THSD7A: variants seen among roughly 807,000 people sequenced by gnomAD.
THSD7A encodes thrombospondin type 1 domain containing 7A.
Under a neutral mutation model 231.3 loss-of-function variants are expected in THSD7A, and 96 were observed. The observed-to-expected ratio is 0.41, with a 90% confidence interval of 0.35 to 0.49. The LOEUF (loss-of-function observed/expected upper bound fraction) is 0.49. THSD7A is among the 20% of genes least tolerant of loss of function. THSD7A has a pLI of 0.05. For synonymous variants in THSD7A, 940 were observed against 743.3 expected, an observed-to-expected ratio of 1.26 and a Z score of -4.30; for missense variants, 2,290 against 2,070.2, an observed-to-expected ratio of 1.11 and a Z score of -2.06.
Position 11,546,919 on chromosome 7 carries a change from G to A in THSD7A, c.1454-3802C>T, listed in dbSNP as rs118061298. On this transcript the variant is annotated intron_variant, in intron 4 of 27. Coordinates refer to ENST00000423059, the MANE Select transcript of THSD7A (RefSeq NM_015204.3). ...TAAGAATTTCATAACACAATTGAAA[G>A]TATTAACAGCAGAATAGACCAAGCT... is the stretch of plus-strand genomic sequence containing the variant. Among the ~76,000 whole-genome samples the A allele has an allele frequency of 9.7e-3, 1,476 of 152,290 alleles. 80 individuals are homozygous for A. The highest frequency in any genetic ancestry group is 0.084 in the Admixed American group (1,278 of 15,304).
chr7:11,671,779 A>G (rs1197664977), intron 1 of THSD7A, among the ~76,000 whole-genome samples: 6 of 152,308 alleles, frequency 3.9e-5, no homozygotes, highest in Middle Eastern at 3.4e-3. Context: ...TTACAAATGG[A>G]AACATGTAAT....
chr7:11,695,080 A>G (rs1217746232), intron 1 of THSD7A, among the ~76,000 whole-genome samples: 1 of 151,548 alleles, frequency 6.6e-6, no homozygotes, highest in Non-Finnish European at 1.5e-5. Context: ...TAAAGTGAGT[A>G]AATTTCTCAT....
At chr7:11,563,445 C>T (rs190031432) in intron 4 of THSD7A, among the ~76,000 whole-genome samples, 7 of 152,056 alleles carry the variant, frequency 4.6e-5, no homozygotes, top group East Asian at 1.9e-4. Context: ...CTGCAACCTC[C>T]GCCTCTTGGG....
In THSD7A at chr7:11,550,443, G is replaced by C. The variant is rs1248679064; in HGVS notation, c.1454-7326C>G. ...CAAATTGTAATCCCACATGTCAAGGGAGGGACCTGGCAGGAGGCGAGTGGA... is the reference window on the plus strand; with the variant it reads ...CAAATTGTAATCCCACATGTCAAGGCAGGGACCTGGCAGGAGGCGAGTGGA... On this transcript the variant is annotated intron_variant, in intron 4 of 27. Transcript: ENST00000423059. 2.6e-5 allele frequency among the ~76,000 whole-genome samples: 4 copies of C among 152,112 alleles called. No individual in the cohort carries two copies. The East Asian group carries it at 7.7e-4, about 29-fold the overall frequency.
intron 1 of THSD7A, among the ~76,000 whole-genome samples, chr7:11,807,698 TA>T (rs1209935178): frequency 6.6e-6 from 1 of 152,132 alleles, no homozygotes; most frequent in Non-Finnish European, 1.5e-5. Flanking sequence ...GTATACTTTT[TA>T]TTTTTCATGA....
chr7:11,648,829 C>T (rs1036768568), intron 1 of THSD7A, among the ~76,000 whole-genome samples: 1 of 151,936 alleles, frequency 6.6e-6, no homozygotes, highest in African/African-American at 2.4e-5. Flanking sequence ...CTTATGACAT[C>T]AAATCTTCTG....
At chr7:11,468,457 G>T (rs1208372456) in intron 9 of THSD7A, among the ~76,000 whole-genome samples, 2 of 151,464 alleles carry the variant, frequency 1.3e-5, no homozygotes, top group African/African-American at 2.4e-5. Context: ...TGCATAGCAA[G>T]TTCATGCCAT....
chr7:11,630,010 T>C (rs971540531), intron 2 of THSD7A, among the ~76,000 whole-genome samples: 1 of 152,212 alleles, frequency 6.6e-6, no homozygotes, highest in South Asian at 2.1e-4. Context: ...TCTGTAGCCA[T>C]GAATGCATAG....
At chr7:11,781,227 G>A (rs1342907905) in intron 1 of THSD7A, among the ~76,000 whole-genome samples, 3 of 151,728 alleles carry the variant, frequency 2.0e-5, no homozygotes, top group Admixed American at 2.0e-4. Flanking sequence ...GCTTGAAGCC[G>A]GGTGTACAAG....
Position 11,379,712 on chromosome 7 carries a change from C to T in THSD7A, c.4508G>A (p.Gly1503Glu). 6.3e-7 allele frequency: 1 copy of T among 1,583,576 alleles called. No individual in the cohort carries two copies. Among genetic ancestry groups the T allele is most frequent in the Non-Finnish European group, 8.6e-7 (1 of 1,163,884 alleles). Residue 1503 changes from glycine (G) to glutamate (E), a missense_variant and splice_region_variant, in exon 25 of 28, where the codon GGG (glycine) becomes GAG (glutamate). By Grantham distance (98) the Gly-to-Glu change is moderately conservative (BLOSUM62 -2). Coordinates refer to ENST00000423059, the MANE Select transcript of THSD7A (RefSeq NM_015204.3). ...CQRSDGINVTGGCLVMSQPDA... is the reference protein window; with the variant it reads ...CQRSDGINVTEGCLVMSQPDA... The stretch of plus-strand genomic sequence containing the variant: ...AGGCTGGCTCATCACCAAGCAGCCC[C>T]CTGCGGAACAGAAAATCATGTTTTG...
intron 1 of THSD7A, among the ~76,000 whole-genome samples, chr7:11,796,246 A>G (rs368005098): frequency 1.1e-4 from 17 of 150,908 alleles, no homozygotes; most frequent in African/African-American, 3.9e-4. Flanking sequence ...CTACTGATAT[A>G]TATTTCTATA....
chr7:11,483,849 A>T (rs6971771), intron 6 of THSD7A, among the ~76,000 whole-genome samples: 58,251 of 152,060 alleles, frequency 0.38, 11,534 homozygotes, highest in South Asian at 0.48. Flanking sequence ...AATCTTTTCT[A>T]TTCAGAAAAA....
At chr7:11,600,098 G>A (rs1306142207) in intron 2 of THSD7A, among the ~76,000 whole-genome samples, 1 of 151,888 alleles carries the variant, frequency 6.6e-6, no homozygotes, top group Non-Finnish European at 1.5e-5. Flanking sequence ...GTGATTGTGT[G>A]AGTTAATAAT....
At chr7:11,769,121 C>CT (rs1562541063) in intron 1 of THSD7A, among the ~76,000 whole-genome samples, 1,943 of 55,662 alleles carry the variant, frequency 0.035, 278 homozygotes, top group Admixed American at 0.067. Flanking sequence ...TAATTCCTGG[C>CT]AATATATATA....
chr7:11,765,743 C>G lies in THSD7A; in HGVS notation c.190+66014G>C, dbSNP rs1249524935. Among the ~76,000 whole-genome samples, 6 of 152,168 alleles carry G rather than the reference C, an allele frequency of 3.9e-5. No homozygotes were observed. In the South Asian group the frequency reaches 1.0e-3, roughly 26 times the overall value. On this transcript the variant is annotated intron_variant, in intron 1 of 27. Transcript: ENST00000423059. ...CATGTAAGTATACAGTAGTGGTATTCCATCTTCTTTCCAAACTGGTTATGG... is the reference window on the plus strand; with the variant it reads ...CATGTAAGTATACAGTAGTGGTATTGCATCTTCTTTCCAAACTGGTTATGG...
chr7:11,518,186 C>T (rs1415090145), intron 6 of THSD7A, among the ~76,000 whole-genome samples: 2 of 152,122 alleles, frequency 1.3e-5, no homozygotes, highest in African/African-American at 4.8e-5. Context: ...ACATTATGTA[C>T]TATCTTACAG....
intron 2 of THSD7A, among the ~76,000 whole-genome samples, chr7:11,633,412 T>G (rs1393790298): frequency 6.6e-6 from 1 of 152,166 alleles, no homozygotes; most frequent in Non-Finnish European, 1.5e-5. Flanking sequence ...CATAGTGGGC[T>G]TCCTGCCTAT....
chr7:11,404,703 C>G (rs1340890395), intron 22 of THSD7A, among the ~76,000 whole-genome samples: 1 of 152,178 alleles, frequency 6.6e-6, no homozygotes, highest in Non-Finnish European at 1.5e-5. Flanking sequence ...GGCAGCAACA[C>G]TTTGCCTGGC....
At chr7:11,453,275 T>TC (rs755039767) in intron 11 of THSD7A, among the ~76,000 whole-genome samples, 81 of 151,840 alleles carry the variant, frequency 5.3e-4, no homozygotes, top group East Asian at 5.8e-4. Context: ...TATTGCACAT[T>TC]CCACATTTAG....
Sources: allele counts gnomAD v4.1 joint callset (sites outside exome capture counted in the v4.1 genomes callset), GRCh38; gene constraint gnomAD v4.1.1; transcripts MANE v1.5; gene names NCBI Gene and HGNC (gene_info 2026-07-23, HGNC 2026-07-21).